Variants in ANO4 observed in about 807,000 individuals in gnomAD.
The protein encoded by ANO4 is anoctamin-4.
Under a neutral mutation model 141.9 loss-of-function variants are expected in ANO4, and 69 were observed. The observed-to-expected ratio is 0.49, with a 90% CI of 0.40 to 0.59. The LOEUF (loss-of-function observed/expected upper bound fraction) is 0.59. ANO4 is among the 20% of genes least tolerant of loss of function. ANO4 has a pLI of 0.00. For synonymous variants in ANO4, 350 were observed against 394.3 expected, an observed-to-expected ratio of 0.89 and a Z score of 1.33; for missense variants, 894 against 1,162.2, an observed-to-expected ratio of 0.77 and a Z score of 3.36.
intron 14 of ANO4, among the ~76,000 whole-genome samples, chr12:101,060,073 C>T (rs963755972): frequency 3.3e-5 from 5 of 152,154 alleles, no homozygotes; most frequent in Admixed American, 6.5e-5. Context: ...GATTCTGGTA[C>T]GTTGTGCCTT....
intron 3 of ANO4, among the ~76,000 whole-genome samples, chr12:100,775,710 CAG>C (rs1480821282): frequency 6.6e-5 from 10 of 152,188 alleles, no homozygotes; most frequent in Middle Eastern, 3.2e-3. Flanking sequence ...AATAAGAGCA[CAG>C]CATTCATGTG....
chr12:100,905,948 A>T (rs1262445321), intron 2 of ANO4, among the ~76,000 whole-genome samples: 1 of 152,140 alleles, frequency 6.6e-6, no homozygotes, highest in Non-Finnish European at 1.5e-5. Context: ...TTTATCTTTA[A>T]TGTGAGAAGC....
intron 1 of ANO4, among the ~76,000 whole-genome samples, chr12:100,823,735 T>C (rs2036180816): frequency 6.6e-6 from 1 of 152,074 alleles, no homozygotes; most frequent in Non-Finnish European, 1.5e-5. Flanking sequence ...CAAACCACAA[T>C]CTTCAAATAA....
At chr12:101,096,719 C>G (rs2049999159) in intron 19 of ANO4, 72 bp downstream of exon 19, 1 of 1,117,036 alleles carries the variant, frequency 9.0e-7, no homozygotes, top group Non-Finnish European at 1.4e-6. Flanking sequence ...CTCGTGGGGA[C>G]AGAGAAGCCC....
At chr12:100,840,630 T>C (rs373608629) in intron 1 of ANO4, among the ~76,000 whole-genome samples, 16 of 152,262 alleles carry the variant, frequency 1.1e-4, no homozygotes, top group African/African-American at 3.4e-4. Flanking sequence ...AAAATAAACC[T>C]ATATCCCATT....
At chr12:100,904,013 G>A (rs1181796382) in intron 2 of ANO4, among the ~76,000 whole-genome samples, 1 of 152,140 alleles carries the variant, frequency 6.6e-6, no homozygotes, top group Non-Finnish European at 1.5e-5. Flanking sequence ...GGATACCCTG[G>A]TTTTGCTCTG....
chr12:100,937,424 TG>T (rs1214762585), intron 3 of ANO4, among the ~76,000 whole-genome samples: 1 of 152,162 alleles, frequency 6.6e-6, no homozygotes, highest in Non-Finnish European at 1.5e-5. Context: ...TTACATCCAG[TG>T]GTCAGGGAAG....
chr12:100,972,015 T>A (rs1386891114), intron 6 of ANO4, among the ~76,000 whole-genome samples: 2 of 152,248 alleles, frequency 1.3e-5, no homozygotes, highest in Non-Finnish European at 2.9e-5. Flanking sequence ...TGAATATTTT[T>A]ATTTTCCCTA....
intron 14 of ANO4, among the ~76,000 whole-genome samples, chr12:101,072,384 C>A (rs2048850398): frequency 6.6e-6 from 1 of 152,116 alleles, no homozygotes; most frequent in African/African-American, 2.4e-5. Context: ...TCAAACTATG[C>A]CTAGGAGGAT....
At chr12:101,082,070 TCCCCAC>T (rs2049306863) in intron 15 of ANO4, among the ~76,000 whole-genome samples, 1 of 152,182 alleles carries the variant, frequency 6.6e-6, no homozygotes, top group Non-Finnish European at 1.5e-5. Flanking sequence ...TTTGGCTGTG[TCCCCAC>T]CCAAATCTCA....
At chr12:101,016,482 C>T (rs1454556722) in intron 8 of ANO4, among the ~76,000 whole-genome samples, 1 of 152,102 alleles carries the variant, frequency 6.6e-6, no homozygotes, top group East Asian at 1.9e-4. Context: ...ACACCTCCCA[C>T]CAGACCCCAC....
intron 17 of ANO4, among the ~76,000 whole-genome samples, chr12:101,090,411 T>C (rs1205878504): frequency 2.6e-5 from 4 of 152,134 alleles, no homozygotes; most frequent in Non-Finnish European, 4.4e-5. Context: ...AGGAATACTA[T>C]GCAGCCATAA....
intron 1 of ANO4, among the ~76,000 whole-genome samples, chr12:100,729,522 A>G (rs543669590): frequency 1.3e-5 from 2 of 152,292 alleles, no homozygotes; most frequent in South Asian, 4.1e-4. Context: ...ACATATGAGG[A>G]AACAAAGCCA....
At chr12:101,044,580 C>G (rs575111925) in intron 13 of ANO4, among the ~76,000 whole-genome samples, 11 of 152,258 alleles carry the variant, frequency 7.2e-5, no homozygotes, top group Non-Finnish European at 1.6e-4. Context: ...ATCACTGAAG[C>G]CTGGATCTAT....
intron 22 of ANO4, among the ~76,000 whole-genome samples, chr12:101,100,309 G>T (rs1284941940): frequency 6.6e-6 from 1 of 151,890 alleles, no homozygotes; most frequent in Admixed American, 6.6e-5. Flanking sequence ...TTCATTTTAA[G>T]CTCTAACATA....
chr12:101,106,774 T>C (rs2050463040), intron 22 of ANO4, among the ~76,000 whole-genome samples: 1 of 151,842 alleles, frequency 6.6e-6, no homozygotes, highest in Non-Finnish European at 1.5e-5. Context: ...ATACTAACTC[T>C]TCCATGGGTA....
intron 22 of ANO4, among the ~76,000 whole-genome samples, chr12:101,102,698 T>G (rs2050237678): frequency 6.6e-6 from 1 of 152,130 alleles, no homozygotes; most frequent in Admixed American, 6.6e-5. Context: ...AATTTCAGCT[T>G]CATTCTTCTT....
At chr12:101,040,938 CT>C (rs994400721) in intron 11 of ANO4, among the ~76,000 whole-genome samples, 1 of 151,988 alleles carries the variant, frequency 6.6e-6, no homozygotes, top group Non-Finnish European at 1.5e-5. Context: ...TGAACTCATC[CT>C]TTTTTTGGCT....
At chr12:101,066,636 T>A in intron 14 of ANO4, 2 of 539,994 alleles carry the variant, frequency 3.7e-6, no homozygotes, top group South Asian at 2.5e-5. Context: ...GCTGGGAGAG[T>A]ATCCATGGCT....
Sources: gnomAD v4.1 joint callset for allele counts (sites outside exome capture counted in the v4.1 genomes callset) on GRCh38, gnomAD v4.1.1 for gene constraint, MANE v1.5 for transcripts, NCBI Gene and HGNC (gene_info 2026-07-23, HGNC 2026-07-21) for gene names.